The following COLEC11 variants were observed in gnomAD, a reference collection of about 807,000 sequenced individuals.
COLEC11 encodes collectin-11.
Under a neutral mutation model 27.3 loss-of-function variants are expected in COLEC11, and 20 were observed. The observed-to-expected ratio is 0.73, with a 90% CI of 0.51 to 1.06. COLEC11 has a LOEUF of 1.06. Ranked by LOEUF, COLEC11 falls within the 50% of genes least tolerant of loss-of-function variation. COLEC11 has a pLI of 0.00. For missense variants in COLEC11, 310 were observed against 383.0 expected, an observed-to-expected ratio of 0.81 and a Z score of 1.59; for synonymous variants, 163 against 154.7, an observed-to-expected ratio of 1.05 and a Z score of -0.40.
At chr2:3,614,338 A>C (rs115544364) in intron 3 of COLEC11, among the ~76,000 whole-genome samples, 3,616 of 152,216 alleles carry the variant, frequency 0.024, 151 homozygotes, top group African/African-American at 0.08. Flanking sequence ...AACATTGGAG[A>C]GTTAAGTTGT....
In COLEC11 at chr2:3,624,261, G is replaced by C. The variant is rs147227421; in HGVS notation, c.202+10879G>C. Reference sequence around the variant, plus strand: ...CTTGCCATCTGTGGGGGTGCCTTTGGGGAGCTGGCAGAGTGTTGGGTGAAG... The same window carrying C: ...CTTGCCATCTGTGGGGGTGCCTTTGCGGAGCTGGCAGAGTGTTGGGTGAAG... On this transcript the variant is annotated intron_variant, in intron 3 of 6. Transcript: ENST00000349077. Among the ~76,000 whole-genome samples the C allele has an allele frequency of 4.3e-3, 651 of 152,274 alleles. 1 individual carries two copies. The highest frequency in any genetic ancestry group is 7.0e-3 in the Non-Finnish European group (474 of 68,024).
chr2:3,626,982 C>T (rs1396020164), intron 3 of COLEC11, among the ~76,000 whole-genome samples: 1 of 152,174 alleles, frequency 6.6e-6, no homozygotes, highest in Non-Finnish European at 1.5e-5. Context: ...GCCCTGCCAA[C>T]TCCCCTGGCC....
chr2:3,621,397 A>C (rs184264782), intron 3 of COLEC11, among the ~76,000 whole-genome samples: 176 of 152,146 alleles, frequency 1.2e-3, no homozygotes, highest in African/African-American at 3.9e-3. Context: ...CCATCCCTTC[A>C]TTTTTAGTCT....
intron 2 of COLEC11, among the ~76,000 whole-genome samples, chr2:3,609,879 G>T (rs1317476261): frequency 6.6e-6 from 1 of 152,168 alleles, no homozygotes; most frequent in Non-Finnish European, 1.5e-5. Context: ...GCCCAGGCTG[G>T]TCTCAAACTC....
chr2:3,644,051 G>A lies in COLEC11; in HGVS notation c.749G>A (p.Gly250Asp). 6.2e-7 allele frequency: 1 copy of A among 1,613,694 alleles called. No individual in the cohort carries two copies. Among genetic ancestry groups the A allele is most frequent in the Non-Finnish European group, 8.5e-7 (1 of 1,180,052 alleles). The change falls in exon 7 of 7, where the codon GGC becomes GAC. Residue 250 changes from glycine (G) to aspartate (D), a missense_variant. Coordinates refer to ENST00000349077, the MANE Select transcript of COLEC11 (RefSeq NM_024027.5). ...EDCVEMVASGGWNDVACHTTM... is the reference protein window; with the variant it reads ...EDCVEMVASGDWNDVACHTTM... ...TGCGTGGAGATGGTGGCCTCGGGCGGCTGGAACGACGTGGCCTGCCACACC... is the reference window on the plus strand; with the variant it reads ...TGCGTGGAGATGGTGGCCTCGGGCGACTGGAACGACGTGGCCTGCCACACC...
intron 3 of COLEC11, among the ~76,000 whole-genome samples, chr2:3,629,807 T>G (rs1052934923): frequency 6.6e-6 from 1 of 152,218 alleles, no homozygotes; most frequent in Non-Finnish European, 1.5e-5. Context: ...CTGAGGAAAC[T>G]GAATTCCAAG....
chr2:3,621,688 TTTC>T (rs1337086862), intron 3 of COLEC11, among the ~76,000 whole-genome samples: 7 of 152,244 alleles, frequency 4.6e-5, no homozygotes, highest in African/African-American at 1.4e-4. Flanking sequence ...TTCCTTTTTC[TTTC>T]TTTTGTGTAT....
At chr2:3,609,722 G>A (rs1032066832) in intron 2 of COLEC11, among the ~76,000 whole-genome samples, 93 of 152,296 alleles carry the variant, frequency 6.1e-4, no homozygotes, top group African/African-American at 2.2e-3. Context: ...TAGAGACGGG[G>A]TTTCACCATG....
At chr2:3,596,888 G>A (rs986040743) in intron 1 of COLEC11, among the ~76,000 whole-genome samples, 1 of 152,208 alleles carries the variant, frequency 6.6e-6, no homozygotes, top group Admixed American at 6.5e-5. Context: ...AGACTCCTTC[G>A]GGCGCCTGGG....
rs991585354 is a variant in COLEC11, at chr2:3,602,245, G to A, written c.-26-2070G>A. On this transcript the variant is annotated intron_variant, in intron 1 of 6. Coordinates refer to ENST00000349077, the MANE Select transcript of COLEC11 (RefSeq NM_024027.5). The surrounding 1 kb of genome is among the most constrained non-coding windows in gnomAD (Gnocchi z 6.2). ...GGCTTGGAATTGTGGGAGAGAAAAT[G>A]GAGGGTACCCTGACCCCCAAGCCTT... 6.6e-6 allele frequency among the ~76,000 whole-genome samples: 1 copy of A among 152,130 alleles called. No homozygotes were observed. Among genetic ancestry groups the A allele is most frequent in the African/African-American group, 2.4e-5 (1 of 41,434 alleles).
chr2:3,635,428 C>G (rs1453263441), intron 3 of COLEC11, among the ~76,000 whole-genome samples: 1 of 152,200 alleles, frequency 6.6e-6, no homozygotes, highest in African/African-American at 2.4e-5. Context: ...TTCCTGAACA[C>G]AAGTCTGATC....
chr2:3,601,943 G>A (rs1662260852), intron 1 of COLEC11: 1 of 152,226 alleles, frequency 6.6e-6, no homozygotes, highest in Admixed American at 6.5e-5. Flanking sequence ...TTCCCTTCGA[G>A]CTGCAGGGCT....
chr2:3,627,059 C>T (rs1028582252), intron 3 of COLEC11, among the ~76,000 whole-genome samples: 2 of 152,264 alleles, frequency 1.3e-5, no homozygotes, highest in East Asian at 1.9e-4. Flanking sequence ...CTCGTTGCAG[C>T]GGGGGCACAG....
At chr2:3,610,686 G>T (rs1250117737) in intron 2 of COLEC11, among the ~76,000 whole-genome samples, 1 of 152,092 alleles carries the variant, frequency 6.6e-6, no homozygotes, top group Admixed American at 6.6e-5. Context: ...CTTCCCCCTT[G>T]TCTGTGCACC....
At chr2:3,620,021 C>G (rs571579819) in intron 3 of COLEC11, among the ~76,000 whole-genome samples, 1 of 152,236 alleles carries the variant, frequency 6.6e-6, no homozygotes, top group South Asian at 2.1e-4. Context: ...GGCCTGTAAT[C>G]TTTTTTTCTT....
At chr2:3,642,581 G>C (rs189686732) in intron 5 of COLEC11, among the ~76,000 whole-genome samples, 3 of 152,242 alleles carry the variant, frequency 2.0e-5, no homozygotes, top group Admixed American at 1.3e-4. Context: ...AAAGCAAAAC[G>C]ACTGCAAAGC....
rs1378028728 is a variant in COLEC11 at position 3,604,410 on chromosome 2, C to T, written c.70C>T (p.His24Tyr). 6.2e-7 allele frequency: 1 copy of T among 1,614,240 alleles called. No individual in the cohort carries two copies. The highest frequency in any genetic ancestry group is 1.7e-5 in the Admixed American group (1 of 60,034). ...CTTCCTGTCACTGCTGCCATCTGGA[C>T]ATCCTCAGCCGGCTGGCGATGACGC... ...LAFLSLLPSG[H>Y]PQPAGDDACS... The change falls in exon 2 of 7, where the codon CAT (histidine) becomes TAT (tyrosine). Residue 24 changes from histidine to tyrosine, a missense_variant. By Grantham distance (83) the His-to-Tyr change is moderately conservative (BLOSUM62 2). Coordinates refer to ENST00000349077, the MANE Select transcript of COLEC11 (RefSeq NM_024027.5).
chr2:3,634,184 G>A (rs755605722), intron 3 of COLEC11, among the ~76,000 whole-genome samples: 1 of 152,240 alleles, frequency 6.6e-6, no homozygotes, highest in Non-Finnish European at 1.5e-5. Flanking sequence ...TGGGCACTCA[G>A]TGTGGGTGGC....
In COLEC11 at chr2:3,615,826, C is replaced by T. The variant is rs1209830649; in HGVS notation, c.202+2444C>T. On this transcript the variant is annotated intron_variant, in intron 3 of 6. Coordinates refer to ENST00000349077, the MANE Select transcript of COLEC11 (RefSeq NM_024027.5). ...CAGGGGCTGCCCCCCACCTCCCTCCCGGACGCGGCGGCTGGCCGGGCAGGG... is the reference window on the plus strand; with the variant it reads ...CAGGGGCTGCCCCCCACCTCCCTCCTGGACGCGGCGGCTGGCCGGGCAGGG... Among the ~76,000 whole-genome samples, 13 of 27,722 alleles carry T rather than the reference C, an allele frequency of 4.7e-4. No homozygotes were observed. The South Asian group carries it at 7.5e-3, about 16-fold the overall frequency. 18.2% of individuals were successfully genotyped at this position (27,722 alleles called of 152,430 possible).
Sources: gnomAD v4.1 joint callset for allele counts (sites outside exome capture counted in the v4.1 genomes callset) on GRCh38, gnomAD v4.1.1 for gene constraint, Gnocchi (gnomAD v3.1) non-coding constraint, MANE v1.5 for transcripts, NCBI Gene and HGNC (gene_info 2026-07-23, HGNC 2026-07-21) for gene names.